The following MTMR2 variants were observed in gnomAD, a reference collection of about 807,000 sequenced individuals.
MTMR2 encodes myotubularin related protein 2.
MTMR2 carries 55 observed loss-of-function variants against 86.9 expected under a neutral mutation model. That is an observed-to-expected ratio of 0.63 (90% CI 0.51 to 0.79). The LOEUF is 0.79. Among genes scored for constraint, MTMR2 ranks in the 30% least tolerant of loss-of-function variants. The probability of loss-of-function intolerance (pLI) is 0.00; values close to 1 mark genes in which losing one functional copy is unlikely to be tolerated. For synonymous variants in MTMR2, 241 were observed against 266.8 expected (o/e 0.90, Z 0.94); for missense variants, 659 against 772.3 (o/e 0.85, Z 1.74).
At chr11:95,916,036 C>CT (rs758428812) in intron 1 of MTMR2, among the ~76,000 whole-genome samples, 3 of 152,104 alleles carry the variant, frequency 2.0e-5, no homozygotes, top group Non-Finnish European at 4.4e-5. Flanking sequence ...ATACAATTCT[C>CT]TTTTTTGGTC....
intron 1 of MTMR2, among the ~76,000 whole-genome samples, chr11:95,907,419 A>C (rs1358627136): frequency 6.6e-6 from 1 of 152,068 alleles, no homozygotes; most frequent in African/African-American, 2.4e-5. Context: ...ATTCACAGAC[A>C]AATTCTACTA....
chr11:95,875,647 C>A (rs572176854), intron 2 of MTMR2, among the ~76,000 whole-genome samples: 1 of 152,236 alleles, frequency 6.6e-6, no homozygotes, highest in African/African-American at 2.4e-5. Context: ...TGAGGAGCTG[C>A]GTTCCTCTGG....
Position 95,835,204 on chromosome 11 carries a change from G to T in MTMR2, c.*86C>A. On this transcript the variant is annotated 3_prime_UTR_variant, in exon 15 of 15. Transcript: ENST00000346299. ...TGACTGAACTTTCTCTCATAGATGG[G>T]TTCTAAATTCCGAAGACTTTCTACT... The T allele has an allele frequency of 7.3e-7, 1 of 1,373,140 alleles. No homozygotes were observed. Among genetic ancestry groups the T allele is most frequent in the Non-Finnish European group, 1.0e-6 (1 of 971,080 alleles). 85.1% of individuals were successfully genotyped at this position (1,373,140 alleles called of 1,614,324 possible).
rs762611200 is a variant in MTMR2 at position 95,838,218 on chromosome 11, A to G, written c.1480-11T>C. 11 of 1,337,500 alleles carry G rather than the reference A, an allele frequency of 8.2e-6. No individual in the cohort carries two copies. Among genetic ancestry groups the G allele is most frequent in the Non-Finnish European group, 1.2e-5 (11 of 928,640 alleles). The allele number at this position is 1,337,500 out of a possible 1,614,324, so 82.9% of individuals were successfully genotyped here. ...AAATGCGGTAGGAAACTGCAAATCA[A>G]ACATCACAAACACATAAATTAAGAC... is the stretch of plus-strand genomic sequence containing the variant. On this transcript the variant is annotated splice_polypyrimidine_tract_variant and intron_variant, in intron 12 of 14. Transcript: ENST00000346299.
At chr11:95,887,617 A>G (rs1865560870) in intron 2 of MTMR2, 1 of 170,506 alleles carries the variant, frequency 5.9e-6, no homozygotes, top group Non-Finnish European at 1.2e-5. Context: ...CTTACAAACT[A>G]TAATGAGATG....
At chr11:95,877,251 T>C (rs1294410832) in intron 2 of MTMR2, among the ~76,000 whole-genome samples, 3 of 146,938 alleles carry the variant, frequency 2.0e-5, no homozygotes, top group Non-Finnish European at 4.4e-5. Context: ...TCTAACAAGG[T>C]AGAGCCACAG....
intron 1 of MTMR2, among the ~76,000 whole-genome samples, chr11:95,894,453 G>A (rs528779625): frequency 1.4e-4 from 22 of 152,248 alleles, no homozygotes; most frequent in African/African-American, 5.3e-4. Flanking sequence ...GAGTGTTACT[G>A]TACACATATT....
Position 95,834,832 on chromosome 11 carries a change from A to C in MTMR2, c.*458T>G, listed in dbSNP as rs1311976950. On this transcript the variant is annotated 3_prime_UTR_variant, in exon 15 of 15. Coordinates refer to ENST00000346299, the MANE Select transcript of MTMR2 (RefSeq NM_016156.6). Reference sequence around the variant, plus strand: ...AAAAAAGAAAAACCTAGAATGGAGAAAGGGATATCAAATGATTTTGATCTG... The same window carrying C: ...AAAAAAGAAAAACCTAGAATGGAGACAGGGATATCAAATGATTTTGATCTG... 2 of 171,820 alleles carry C rather than the reference A, an allele frequency of 1.2e-5. No homozygotes were observed. The highest frequency in any genetic ancestry group is 2.6e-5 in the Non-Finnish European group (2 of 78,308). The allele number at this position is 171,820 out of a possible 1,614,324, so 10.6% of individuals were successfully genotyped here.
chr11:95,843,623 A>C (rs1012559450), intron 11 of MTMR2, among the ~76,000 whole-genome samples: 1 of 152,168 alleles, frequency 6.6e-6, no homozygotes, highest in African/African-American at 2.4e-5. Flanking sequence ...AAACCAACAA[A>C]ACATAACAGA....
intron 1 of MTMR2, among the ~76,000 whole-genome samples, chr11:95,906,841 T>C (rs1167163079): frequency 1.3e-5 from 2 of 152,104 alleles, no homozygotes; most frequent in Admixed American, 6.5e-5. Flanking sequence ...AGAACAAAGA[T>C]ACAACATACT....
chr11:95,922,559 C>T (rs1424437634), intron 1 of MTMR2, among the ~76,000 whole-genome samples: 1 of 146,790 alleles, frequency 6.8e-6, no homozygotes, highest in Admixed American at 6.7e-5. Flanking sequence ...GCTACAAATT[C>T]GAAAAAAAAA....
intron 2 of MTMR2, among the ~76,000 whole-genome samples, chr11:95,873,299 T>G (rs1205141236): frequency 6.6e-6 from 1 of 152,246 alleles, no homozygotes; most frequent in East Asian, 1.9e-4. Context: ...GTTATTGGTC[T>G]ATTCAGGGAT....
intron 1 of MTMR2, chr11:95,912,923 T>G (rs1173900182): frequency 6.6e-6 from 1 of 152,102 alleles, no homozygotes; most frequent in Non-Finnish European, 1.5e-5. Context: ...CAAAACACTA[T>G]AAAATTTGTA....
intron 2 of MTMR2, among the ~76,000 whole-genome samples, chr11:95,883,026 G>A (rs181073010): frequency 1.3e-3 from 193 of 150,592 alleles, no homozygotes; most frequent in African/African-American, 3.4e-3. Context: ...GATTACAGGC[G>A]TGATCCACCG....
At chr11:95,908,300 A>G (rs920807557) in intron 1 of MTMR2, among the ~76,000 whole-genome samples, 9 of 152,184 alleles carry the variant, frequency 5.9e-5, no homozygotes, top group Non-Finnish European at 1.3e-4. Context: ...AAAGATCTCT[A>G]CAATAAGAAT....
chr11:95,888,304 TC>T (rs1360843196), intron 1 of MTMR2, 43 bp from the exon 2 acceptor site: 2 of 1,325,110 alleles, frequency 1.5e-6, no homozygotes, highest in Admixed American at 3.4e-5. Flanking sequence ...AATGGGGGCT[TC>T]AAAGACCAAT....
At chr11:95,891,272 G>C (rs767963778) in intron 1 of MTMR2, among the ~76,000 whole-genome samples, 1 of 152,008 alleles carries the variant, frequency 6.6e-6, no homozygotes, top group Non-Finnish European at 1.5e-5. Context: ...GCAACATGGT[G>C]AAACTCCCTC....
intron 11 of MTMR2, 36 bp downstream of exon 11, chr11:95,844,917 C>T (rs372101052): frequency 6.6e-7 from 1 of 1,506,698 alleles, no homozygotes; most frequent in Non-Finnish European, 9.2e-7. Flanking sequence ...GGCATGAATG[C>T]ATGTGATATA....
chr11:95,896,779 G>A (rs541418993), intron 1 of MTMR2, among the ~76,000 whole-genome samples: 12 of 151,986 alleles, frequency 7.9e-5, no homozygotes, highest in African/African-American at 2.7e-4. Flanking sequence ...TCCTTCTGGA[G>A]TTGTTATTGT....
Sources: allele counts gnomAD v4.1 joint callset (sites outside exome capture counted in the v4.1 genomes callset), GRCh38; gene constraint gnomAD v4.1.1; transcripts MANE v1.5; gene names NCBI Gene and HGNC (gene_info 2026-07-23, HGNC 2026-07-21).